The following KCNH8 variants were observed in gnomAD, a reference collection of about 807,000 sequenced individuals.
The protein encoded by KCNH8 is voltage-gated delayed rectifier potassium channel KCNH8.
In KCNH8, 70 loss-of-function variants were observed where a neutral mutation model predicts 103.6. That is an observed-to-expected ratio of 0.68 (90% CI 0.56 to 0.82). The LOEUF is 0.82. Ranked by LOEUF, KCNH8 falls within the 40% of genes least tolerant of loss-of-function variation. The pLI is 0.00. For synonymous variants in KCNH8, 498 were observed against 489.4 expected, an observed-to-expected ratio of 1.02 and a Z score of -0.23; for missense variants, 1,217 against 1,329.9, an observed-to-expected ratio of 0.92 and a Z score of 1.32.
At chr3:19,520,434 G>C (rs947850544) in intron 15 of KCNH8, among the ~76,000 whole-genome samples, 1 of 151,778 alleles carries the variant, frequency 6.6e-6, no homozygotes, top group Non-Finnish European at 1.5e-5. Context: ...TGACCCTTTG[G>C]ATAGTGCATA....
intron 12 of KCNH8, among the ~76,000 whole-genome samples, chr3:19,511,848 C>A (rs563735007): frequency 1.8e-4 from 27 of 152,188 alleles, no homozygotes; most frequent in African/African-American, 6.5e-4. Flanking sequence ...CTAAACTGAA[C>A]GGGCTATTGC....
In KCNH8 at chr3:19,512,946, A is replaced by G. The variant is rs1214721446; in HGVS notation, c.2080-24A>G. 1.9e-6 allele frequency: 3 copies of G among 1,602,452 alleles called. No individual in the cohort carries two copies. In the African/African-American group the frequency reaches 4.0e-5, roughly 22 times the overall value. On this transcript the variant is annotated intron_variant, in intron 12 of 15. Coordinates refer to ENST00000328405, the MANE Select transcript of KCNH8 (RefSeq NM_144633.3). ...TTCTGCGGTTTTTGCAGTCTGTACT[A>G]ATTTATATTATCCACTGATTTAGTC...
At chr3:19,208,550 A>G (rs1404694400) in intron 1 of KCNH8, among the ~76,000 whole-genome samples, 1 of 152,036 alleles carries the variant, frequency 6.6e-6, no homozygotes, top group Non-Finnish European at 1.5e-5. Context: ...ATCAAATACT[A>G]TTAATACACC....
chr3:19,325,038 C>A (rs1285779968), intron 3 of KCNH8, among the ~76,000 whole-genome samples: 1 of 151,962 alleles, frequency 6.6e-6, no homozygotes, highest in African/African-American at 2.4e-5. Context: ...AGACCACATG[C>A]TTACTTAAGA....
chr3:19,266,221 A>T (rs1237353038), intron 2 of KCNH8, among the ~76,000 whole-genome samples: 1 of 151,634 alleles, frequency 6.6e-6, no homozygotes, highest in Admixed American at 6.6e-5. Context: ...ATCTCTTTAA[A>T]CTCATCCTTC....
chr3:19,272,591 C>T (rs2064604478), intron 2 of KCNH8, among the ~76,000 whole-genome samples: 1 of 152,104 alleles, frequency 6.6e-6, no homozygotes, highest in South Asian at 2.1e-4. Context: ...TCCTTCTTCT[C>T]TCCTTCACTT....
At chr3:19,260,235 T>C (rs1303177966) in intron 2 of KCNH8, among the ~76,000 whole-genome samples, 2 of 151,456 alleles carry the variant, frequency 1.3e-5, no homozygotes, top group African/African-American at 4.8e-5. Flanking sequence ...AATAATCTTG[T>C]GTACCATTAG....
chr3:19,313,200 C>T (rs1575518770), intron 3 of KCNH8, among the ~76,000 whole-genome samples: 2 of 151,764 alleles, frequency 1.3e-5, no homozygotes, highest in East Asian at 1.9e-4. Flanking sequence ...GGCAGGCACT[C>T]AAAAGGGGGC....
intron 2 of KCNH8, among the ~76,000 whole-genome samples, chr3:19,279,070 A>G (rs1387622368): frequency 6.6e-6 from 1 of 152,136 alleles, no homozygotes; most frequent in Non-Finnish European, 1.5e-5. Flanking sequence ...TTAAAATGTC[A>G]ACCAAAATGT....
At chr3:19,271,782 T>C (rs977313011) in intron 2 of KCNH8, among the ~76,000 whole-genome samples, 1 of 152,094 alleles carries the variant, frequency 6.6e-6, no homozygotes, top group South Asian at 2.1e-4. Context: ...GACTGTTACT[T>C]CCAGTCTCAG....
intron 3 of KCNH8, among the ~76,000 whole-genome samples, chr3:19,318,560 T>C (rs1400173152): frequency 1.3e-5 from 2 of 151,624 alleles, no homozygotes; most frequent in Non-Finnish European, 3.0e-5. Flanking sequence ...TCACTAAGAA[T>C]AATGGTCTCC....
chr3:19,335,670 A>C (rs1354970747), intron 3 of KCNH8, among the ~76,000 whole-genome samples: 1 of 151,564 alleles, frequency 6.6e-6, no homozygotes, highest in African/African-American at 2.4e-5. Flanking sequence ...GGCCTCAGAG[A>C]GGGGTGGTAA....
At chr3:19,406,692 T>C (rs1423668428) in intron 7 of KCNH8, among the ~76,000 whole-genome samples, 1 of 152,122 alleles carries the variant, frequency 6.6e-6, no homozygotes, top group Non-Finnish European at 1.5e-5. Context: ...TTTAAGCCAC[T>C]GTAGCCCATA....
At chr3:19,515,152 A>C (rs1010458255) in intron 13 of KCNH8, among the ~76,000 whole-genome samples, 170 bp from the exon 14 acceptor site, 33 of 151,524 alleles carry the variant, frequency 2.2e-4, no homozygotes, top group Non-Finnish European at 1.5e-5. Context: ...TGCACAAACC[A>C]CATTTCAAGT....
intron 2 of KCNH8, among the ~76,000 whole-genome samples, chr3:19,260,806 A>G (rs879010282): frequency 2.6e-4 from 38 of 148,308 alleles, no homozygotes; most frequent in Non-Finnish European, 4.2e-4. Flanking sequence ...TTGTCTCTAT[A>G]TATTTGATCT....
intron 3 of KCNH8, among the ~76,000 whole-genome samples, chr3:19,282,448 A>G (rs2064770117): frequency 6.6e-6 from 1 of 152,194 alleles, no homozygotes; most frequent in Non-Finnish European, 1.5e-5. Context: ...TTTTCTTTGT[A>G]AGATAGAAAC....
rs1164966614 is a variant in KCNH8 at position 19,395,323 on chromosome 3, C to T, written c.1177+12C>T. 2 of 1,566,924 alleles carry T rather than the reference C, an allele frequency of 1.3e-6. No homozygotes were observed. Among genetic ancestry groups the T allele is most frequent in the Non-Finnish European group, 1.7e-6 (2 of 1,143,724 alleles). On this transcript the variant is annotated intron_variant, in intron 7 of 15. Transcript: ENST00000328405. ...GAAGTGGGAAGTTGGTAAGGGCTTA[C>T]ATTTGTCACATTTTCCATTTTTTAA...
chr3:19,176,987 C>A (rs1156685212), intron 1 of KCNH8, among the ~76,000 whole-genome samples: 1 of 152,026 alleles, frequency 6.6e-6, no homozygotes, highest in Admixed American at 6.6e-5. Flanking sequence ...GAACTTAAAA[C>A]CAATAGCACT....
At chr3:19,172,634 A>G (rs1287379132) in intron 1 of KCNH8, among the ~76,000 whole-genome samples, 1 of 152,192 alleles carries the variant, frequency 6.6e-6, no homozygotes, top group African/African-American at 2.4e-5. Context: ...ACATAACCTC[A>G]TTTAATCCAC....
Sources: allele counts gnomAD v4.1 joint callset (sites outside exome capture counted in the v4.1 genomes callset), GRCh38; gene constraint gnomAD v4.1.1; transcripts MANE v1.5; gene names NCBI Gene and HGNC (gene_info 2026-07-23, HGNC 2026-07-21).